The following HMCN1 variants were observed in gnomAD, a reference collection of about 807,000 sequenced individuals.
HMCN1 encodes hemicentin 1, also known as hemicentin-1.
HMCN1 carries 321 observed loss-of-function variants against 625.9 expected under a neutral mutation model. That is an observed-to-expected ratio of 0.51 (90% CI 0.47 to 0.56). HMCN1 has a LOEUF of 0.56. HMCN1 is among the 20% of genes least tolerant of loss of function. The probability of loss-of-function intolerance (pLI) is 0.00; values close to 1 mark genes in which losing one functional copy is unlikely to be tolerated. For synonymous variants in HMCN1, 2,425 were observed against 2,417.6 expected (o/e 1.00, Z -0.09); for missense variants, 6,588 against 6,887.3 (o/e 0.96, Z 1.54).
At chr1:185,927,413 A>G (rs1355660076) in intron 9 of HMCN1, among the ~76,000 whole-genome samples, 2 of 152,236 alleles carry the variant, frequency 1.3e-5, no homozygotes, top group Non-Finnish European at 2.9e-5. Context: ...TGTAGTGCCT[A>G]CAGAATTGAA....
chr1:186,132,191 CAT>C, intron 85 of HMCN1, 135 bp from the exon 86 acceptor site: 1 of 712,084 alleles, frequency 1.4e-6, no homozygotes, highest in Non-Finnish European at 2.6e-6. Context: ...AGAGGTTAGA[CAT>C]ATGTAGGTTT....
intron 67 of HMCN1, 87 bp from the exon 68 acceptor site, chr1:186,095,156 A>G: frequency 1.5e-6 from 2 of 1,330,294 alleles, no homozygotes; most frequent in South Asian, 1.2e-5. Context: ...CCACAGAAAC[A>G]TTATAGAATT....
At chr1:186,173,754 A>C (rs2102642464) in intron 102 of HMCN1, among the ~76,000 whole-genome samples, 1 of 152,226 alleles carries the variant, frequency 6.6e-6, no homozygotes, top group Non-Finnish European at 1.5e-5. Flanking sequence ...AATTATGTAT[A>C]AGCTTAACTA....
chr1:185,944,187 G>A (rs926223361), intron 11 of HMCN1, among the ~76,000 whole-genome samples: 1 of 152,054 alleles, frequency 6.6e-6, no homozygotes, highest in African/African-American at 2.4e-5. Flanking sequence ...ATAAATGAAG[G>A]GTTCTTGGGT....
intron 1 of HMCN1, among the ~76,000 whole-genome samples, chr1:185,735,273 G>A (rs1571919214): frequency 2.6e-5 from 4 of 152,160 alleles, no homozygotes; most frequent in South Asian, 2.1e-4. Flanking sequence ...CTTGTACTGT[G>A]GTCCTCAAAC....
chr1:185,949,545 C>G (rs554633938), intron 11 of HMCN1, among the ~76,000 whole-genome samples: 1 of 151,848 alleles, frequency 6.6e-6, no homozygotes, highest in South Asian at 2.1e-4. Flanking sequence ...GACGGAGGAC[C>G]GTAAGGGATA....
intron 11 of HMCN1, among the ~76,000 whole-genome samples, chr1:185,946,290 G>T (rs529381217): frequency 8.6e-6 from 1 of 116,908 alleles, no homozygotes; most frequent in South Asian, 2.7e-4. Context: ...ATATGATTTT[G>T]ATTCTGGGAC....
intron 1 of HMCN1, among the ~76,000 whole-genome samples, chr1:185,830,903 T>C (rs974471542): frequency 6.6e-6 from 1 of 150,586 alleles, no homozygotes; most frequent in African/African-American, 2.4e-5. Context: ...AAAAAAAAAA[T>C]AGTGGCTATA....
At chr1:186,040,074 C>T (rs1233849541) in intron 39 of HMCN1, among the ~76,000 whole-genome samples, 195 bp downstream of exon 39, 2 of 152,138 alleles carry the variant, frequency 1.3e-5, no homozygotes, top group Non-Finnish European at 2.9e-5. Flanking sequence ...CTCACTGTTT[C>T]TAAGAGTTCC....
intron 102 of HMCN1, among the ~76,000 whole-genome samples, chr1:186,173,653 AAAG>A (rs1388202979): frequency 2.7e-5 from 4 of 148,618 alleles, no homozygotes; most frequent in South Asian, 2.1e-4. Flanking sequence ...AAAAAAAAAA[AAAG>A]AAAAAAGAAA....
chr1:186,023,540 A>G (rs569013404), intron 36 of HMCN1, among the ~76,000 whole-genome samples: 1 of 152,248 alleles, frequency 6.6e-6, no homozygotes, highest in Admixed American at 6.5e-5. Context: ...AGTAGAAGCC[A>G]TCTTTGGCTC....
At chr1:185,857,181 G>T (rs1468369575) in intron 2 of HMCN1, among the ~76,000 whole-genome samples, 1 of 151,982 alleles carries the variant, frequency 6.6e-6, no homozygotes, top group Non-Finnish European at 1.5e-5. Context: ...TTTATTCCAG[G>T]AGCAACATTT....
intron 68 of HMCN1, among the ~76,000 whole-genome samples, chr1:186,097,680 T>A (rs975458404): frequency 2.2e-4 from 34 of 152,070 alleles, no homozygotes; most frequent in African/African-American, 7.5e-4. Flanking sequence ...ATTGGCATTC[T>A]TCACTGAATT....
intron 41 of HMCN1, among the ~76,000 whole-genome samples, chr1:186,047,292 A>C (rs747316269): frequency 6.6e-6 from 1 of 152,194 alleles, no homozygotes; most frequent in Non-Finnish European, 1.5e-5. Flanking sequence ...GGCATTGCCT[A>C]TTCTCAGGGG....
At chr1:186,031,696 T>C (rs1448064385) in intron 36 of HMCN1, among the ~76,000 whole-genome samples, 1 of 152,066 alleles carries the variant, frequency 6.6e-6, no homozygotes, top group Non-Finnish European at 1.5e-5. Context: ...TCTTTATTCT[T>C]TTTTCTTTGA....
intron 32 of HMCN1, 108 bp downstream of exon 32, chr1:186,016,347 T>C (rs1654367190): frequency 2.8e-6 from 3 of 1,063,634 alleles, no homozygotes; most frequent in Non-Finnish European, 4.2e-6. Context: ...AAAGAAGGTA[T>C]AGTCCTCTGT....
chr1:185,859,199 G>A (rs899039703), intron 2 of HMCN1, among the ~76,000 whole-genome samples: 2 of 151,476 alleles, frequency 1.3e-5, no homozygotes, highest in African/African-American at 4.8e-5. Context: ...TTTGGAGTAA[G>A]TTGTACCTTG....
chr1:185,803,513 C>T (rs1425921607), intron 1 of HMCN1, among the ~76,000 whole-genome samples: 1 of 151,734 alleles, frequency 6.6e-6, no homozygotes, highest in Non-Finnish European at 1.5e-5. Context: ...CTTTCCAAAA[C>T]GATTTGTGGT....
At chr1:185,833,444 C>G (rs188860520) in intron 1 of HMCN1, among the ~76,000 whole-genome samples, 5 of 152,280 alleles carry the variant, frequency 3.3e-5, no homozygotes, top group Admixed American at 2.0e-4. Context: ...GCATGATTAG[C>G]TAGCAGGGAC....
Sources: allele counts gnomAD v4.1 joint callset (sites outside exome capture counted in the v4.1 genomes callset), GRCh38; gene constraint gnomAD v4.1.1; transcripts MANE v1.5; gene names NCBI Gene and HGNC (gene_info 2026-07-23, HGNC 2026-07-21).